RASSF5: variants seen among roughly 807,000 people sequenced by gnomAD.
RASSF5 encodes Ras association domain family member 5.
In RASSF5, 25 loss-of-function variants were observed where a neutral mutation model predicts 40.5. The ratio of observed to expected loss-of-function variants is 0.62; its 90% confidence interval spans 0.45 to 0.86. The LOEUF is 0.86. RASSF5 is among the 40% of genes least tolerant of loss of function. The pLI, the probability that RASSF5 is intolerant of heterozygous loss-of-function variation, is 0.00. For synonymous variants in RASSF5, 246 were observed against 252.4 expected (o/e 0.97, Z 0.24); for missense variants, 521 against 572.8 (o/e 0.91, Z 0.92).
Position 206,584,275 on chromosome 1 carries a change from G to A in RASSF5, c.691-112G>A. Reference sequence around the variant, plus strand: ...CAGCTCTCCCACGTCAGCAGAGGCAGGAAAGAACTCAAGGAGACAGGTGGG... The same window carrying A: ...CAGCTCTCCCACGTCAGCAGAGGCAAGAAAGAACTCAAGGAGACAGGTGGG... On this transcript the variant is annotated intron_variant, in intron 3 of 5. Transcript: ENST00000579436. The surrounding 1 kb of genome is among the most constrained non-coding windows in gnomAD (Gnocchi z 4.9). The A allele has an allele frequency of 9.5e-7, 1 of 1,051,750 alleles. No homozygotes were observed. The highest frequency in any genetic ancestry group is 1.4e-6 in the Non-Finnish European group (1 of 731,288). The allele number at this position is 1,051,750 out of a possible 1,614,324, so 65.2% of individuals were successfully genotyped here.
intron 2 of RASSF5, among the ~76,000 whole-genome samples, chr1:206,566,150 T>C (rs1668284078): frequency 6.6e-6 from 1 of 152,152 alleles, no homozygotes; most frequent in South Asian, 2.1e-4. Flanking sequence ...TGAGGTAACA[T>C]GTGAAAGGGG....
intron 2 of RASSF5, among the ~76,000 whole-genome samples, chr1:206,546,776 A>G (rs545026781): frequency 3.0e-4 from 46 of 152,244 alleles, no homozygotes; most frequent in Middle Eastern, 3.4e-3. Context: ...CACCAAACCT[A>G]TTTTCTTATG....
At position 206,587,226 on chromosome 1, in the gene RASSF5, A is replaced by T. The variant is rs542490371; in HGVS notation, c.*248A>T. On this transcript the variant is annotated 3_prime_UTR_variant, in exon 6 of 6. Coordinates refer to ENST00000579436, the MANE Select transcript of RASSF5 (RefSeq NM_182663.4). The stretch of plus-strand genomic sequence containing the variant: ...AGAACTCATGTGAAACAAACAGCTG[A>T]CGTCCTCTCTCGATCTGCAAGCCTT... The T allele has an allele frequency of 1.7e-5, 8 of 464,644 alleles. No individual in the cohort carries two copies. Among genetic ancestry groups the T allele is most frequent in the Middle Eastern group, 6.3e-4 (1 of 1,598 alleles). 28.8% of individuals were successfully genotyped at this position (464,644 alleles called of 1,614,324 possible).
chr1:206,531,778 C>T lies in RASSF5; in HGVS notation c.458-6394C>T, dbSNP rs141704217. Among the ~76,000 whole-genome samples the T allele has an allele frequency of 3.2e-3, 483 of 152,122 alleles. 1 individual carries two copies. Among genetic ancestry groups the T allele is most frequent in the African/African-American group, 0.011 (452 of 41,474 alleles). ...AAACTTTGGTAAATTGAGCCAGGCA[C>T]GGTAATCCCAGAACTTTGGGAGGCC... On this transcript the variant is annotated intron_variant, in intron 1 of 5. Transcript: ENST00000579436. The surrounding 1 kb of genome is among the most constrained non-coding windows in gnomAD (Gnocchi z 4.7).
At chr1:206,572,014 A>C (rs1668469981) in intron 2 of RASSF5, among the ~76,000 whole-genome samples, 1 of 152,156 alleles carries the variant, frequency 6.6e-6, no homozygotes, top group Non-Finnish European at 1.5e-5. Flanking sequence ...GGAGAACAGA[A>C]ATGGAAAGGA....
At chr1:206,569,008 C>A (rs1370983202) in intron 2 of RASSF5, among the ~76,000 whole-genome samples, 2 of 152,230 alleles carry the variant, frequency 1.3e-5, no homozygotes, top group Non-Finnish European at 2.9e-5. Context: ...CTAACCCTGA[C>A]CTTGCCATGA....
intron 2 of RASSF5, among the ~76,000 whole-genome samples, chr1:206,575,452 C>T (rs1340682615): frequency 1.3e-5 from 2 of 152,066 alleles, no homozygotes; most frequent in African/African-American, 2.4e-5. Flanking sequence ...ATGCGTAGAC[C>T]GGCTTGGGCT....
chr1:206,515,919 T>C (rs369257204), intron 1 of RASSF5, among the ~76,000 whole-genome samples: 1 of 152,218 alleles, frequency 6.6e-6, no homozygotes, highest in East Asian at 1.9e-4. Context: ...CAGAGATGCC[T>C]TATTATTCAA....
At chr1:206,527,212 C>T (rs993632455) in intron 1 of RASSF5, among the ~76,000 whole-genome samples, 8 of 152,150 alleles carry the variant, frequency 5.3e-5, no homozygotes, top group Non-Finnish European at 4.4e-5. Context: ...CAGTGTGTTT[C>T]AAGGGATCAC....
intron 1 of RASSF5, among the ~76,000 whole-genome samples, chr1:206,524,034 A>G (rs1161372754): frequency 4.9e-5 from 6 of 121,566 alleles, no homozygotes; most frequent in Admixed American, 3.2e-4. Context: ...TATACCATAT[A>G]TAATATATTT....
At chr1:206,517,162 A>T (rs1666770080) in intron 1 of RASSF5, among the ~76,000 whole-genome samples, 1 of 152,186 alleles carries the variant, frequency 6.6e-6, no homozygotes, top group South Asian at 2.1e-4. Context: ...TCTGAGGTGG[A>T]TTTCCTCTGG....
intron 5 of RASSF5, 174 bp from the exon 6 acceptor site, chr1:206,586,650 CTA>C: frequency 1.6e-6 from 1 of 612,432 alleles, no homozygotes; most frequent in Non-Finnish European, 2.9e-6. Flanking sequence ...TTTGTTGCTG[CTA>C]TGACAGGCAT....
intron 2 of RASSF5, among the ~76,000 whole-genome samples, chr1:206,578,996 A>G (rs1553405715): frequency 6.6e-6 from 1 of 152,190 alleles, no homozygotes; most frequent in Non-Finnish European, 1.5e-5. Flanking sequence ...TTTTGTTAAG[A>G]ATATTTAAAT....
At chr1:206,510,110 T>C (rs1553394424) in intron 1 of RASSF5, among the ~76,000 whole-genome samples, 2 of 152,200 alleles carry the variant, frequency 1.3e-5, no homozygotes, top group African/African-American at 4.8e-5. Flanking sequence ...TTGAGAAATG[T>C]TCTGATGTGC....
intron 2 of RASSF5, among the ~76,000 whole-genome samples, chr1:206,566,338 A>G (rs1394301699): frequency 6.6e-6 from 1 of 152,040 alleles, no homozygotes; most frequent in Non-Finnish European, 1.5e-5. Flanking sequence ...CATTCAGTCA[A>G]TTTCCTGATG....
rs541212182 is a variant in RASSF5 at position 206,570,787 on chromosome 1, G to A, written c.580-12482G>A. ...ATTGTATGGACACAACACATTTTTTGTTTATTCATCCATCAGTGGACACTT... is the reference window on the plus strand; with the variant it reads ...ATTGTATGGACACAACACATTTTTTATTTATTCATCCATCAGTGGACACTT... On this transcript the variant is annotated intron_variant, in intron 2 of 5. Coordinates refer to ENST00000579436, the MANE Select transcript of RASSF5 (RefSeq NM_182663.4). Among the ~76,000 whole-genome samples, 5 of 152,126 alleles carry A rather than the reference G, an allele frequency of 3.3e-5. No homozygotes were observed. In the South Asian group the frequency reaches 6.2e-4, roughly 19 times the overall value.
intron 3 of RASSF5, chr1:206,583,619 ACTC>A (rs1668982921): frequency 4.1e-6 from 2 of 489,792 alleles, no homozygotes; most frequent in African/African-American, 2.0e-5. Flanking sequence ...AGCTCTTTTA[ACTC>A]CTCCTCTGAG....
In RASSF5 at chr1:206,584,848, G is replaced by GTCTT. The variant is rs1553407285; in HGVS notation, c.988+164_988+165insTCTT. The GTCTT allele has an allele frequency of 4.1e-6, 3 of 726,640 alleles. No individual in the cohort carries two copies. The highest frequency in any genetic ancestry group is 2.8e-5 in the Admixed American group (1 of 35,422). The allele number at this position is 726,640 out of a possible 1,614,324, so 45.0% of individuals were successfully genotyped here. ...CAGATCTGTGGAATCCGGGCAGGGAGGCAAGAGCAGAGTCCCTGACTCTGC... is the reference window on the plus strand; with the variant it reads ...CAGATCTGTGGAATCCGGGCAGGGAGTCTTGCAAGAGCAGAGTCCCTGACTCTGC... On this transcript the variant is annotated intron_variant, in intron 4 of 5. Coordinates refer to ENST00000579436, the MANE Select transcript of RASSF5 (RefSeq NM_182663.4). The surrounding 1 kb of genome is among the most constrained non-coding windows in gnomAD (Gnocchi z 4.9).
chr1:206,569,251 CTAA>C (rs1242334453), intron 2 of RASSF5, among the ~76,000 whole-genome samples: 1 of 152,208 alleles, frequency 6.6e-6, no homozygotes, highest in Non-Finnish European at 1.5e-5. Context: ...CATACACATC[CTAA>C]GGTTACAGAA....
Sources: gnomAD v4.1 joint callset for allele counts (sites outside exome capture counted in the v4.1 genomes callset) on GRCh38, gnomAD v4.1.1 for gene constraint, Gnocchi (gnomAD v3.1) non-coding constraint, MANE v1.5 for transcripts, NCBI Gene and HGNC (gene_info 2026-07-23, HGNC 2026-07-21) for gene names.